Variants in TTLL12 observed in about 807,000 individuals in gnomAD.
TTLL12 encodes the protein tubulin--tyrosine ligase-like protein 12.
A neutral mutation model predicts 79.6 loss-of-function variants in TTLL12; 77 were observed. That is an observed-to-expected ratio of 0.97 (90% CI 0.81 to 1.17). TTLL12 has a LOEUF of 1.17. TTLL12 is among the 50% of genes most tolerant of loss of function. The probability of loss-of-function intolerance (pLI) is 0.00; values close to 1 mark genes in which losing one functional copy is unlikely to be tolerated. For missense variants in TTLL12, 969 were observed against 895.9 expected (o/e 1.08, Z -1.04); for synonymous variants, 437 against 376.1 (o/e 1.16, Z -1.87).
In TTLL12 at chr22:43,168,830, G is replaced by T; in HGVS notation, c.1727C>A (p.Ser576Ter). The T allele has an allele frequency of 6.3e-7, 1 of 1,597,740 alleles. No individual in the cohort carries two copies. The highest frequency in any genetic ancestry group is 2.3e-5 in the East Asian group (1 of 44,074). ...PPPLGLCDYP[S>*]SRAMYAVDLM... ...GTCGACGGCATACATGGCCCGGGAT[G>T]AGGGGTAGTCGCAGAGGCCCAGGGG... The change falls in exon 13 of 14, where the codon TCA becomes TAA. Residue 576 changes from serine (S) to a stop codon, truncating the protein, a stop_gained. Coordinates refer to ENST00000216129, the MANE Select transcript of TTLL12 (RefSeq NM_015140.4). LOFTEE classifies it high-confidence loss of function.
In TTLL12 at chr22:43,169,349, G is replaced by A. The variant is rs1022845364; in HGVS notation, c.1644+151C>T. ...GGTGGAAGGGAGGGGAGCCCACGCTGTCTTGCCAGCCTCTGGGGAGAATGA... is the reference window on the plus strand; with the variant it reads ...GGTGGAAGGGAGGGGAGCCCACGCTATCTTGCCAGCCTCTGGGGAGAATGA... On this transcript the variant is annotated intron_variant, in intron 12 of 13. Coordinates refer to ENST00000216129, the MANE Select transcript of TTLL12 (RefSeq NM_015140.4). The A allele has an allele frequency of 1.4e-5, 10 of 695,888 alleles. No individual in the cohort carries two copies. In the Admixed American group the frequency reaches 1.5e-4, roughly 10 times the overall value. 43.1% of individuals were successfully genotyped at this position (695,888 alleles called of 1,614,324 possible). A position where few individuals can be genotyped will look rare whatever the true frequency, so the allele number is the denominator to read the frequency against.
chr22:43,168,778 TGG>T lies in TTLL12; in HGVS notation c.1777_1778del (p.Pro593ArgfsTer20), dbSNP rs752366456. 6.4e-7 allele frequency: 1 copy of T among 1,557,344 alleles called. No homozygotes were observed. The part of the protein sequence containing the change: ...VDLMLKWDNG[P>X]DGRRVMQPQI... The stretch of plus-strand genomic sequence containing the variant: ...GAGATGGGGAGCCCCTCTTACCATC[TGG>T]GCCGTTGTCCCACTTCAGCATGAGG... On this transcript the variant is annotated frameshift_variant, in exon 13 of 14. Coordinates refer to ENST00000216129, the MANE Select transcript of TTLL12 (RefSeq NM_015140.4). LOFTEE classifies it high-confidence loss of function.
In TTLL12 at chr22:43,181,686, G is replaced by T. The variant is rs558210207; in HGVS notation, c.348-746C>A. Among the ~76,000 whole-genome samples, 6 of 152,318 alleles carry T rather than the reference G, an allele frequency of 3.9e-5. No individual in the cohort carries two copies. The East Asian group carries it at 1.2e-3, about 29-fold the overall frequency. ...ACACAGGTGCCTAATAGACAAAGCC[G>T]CCCCCAGCTTGCCCCCGTCTCTGTT... On this transcript the variant is annotated intron_variant, in intron 2 of 13. Transcript: ENST00000216129.
intron 5 of TTLL12, among the ~76,000 whole-genome samples, chr22:43,178,134 G>A (rs2147072817): frequency 6.6e-6 from 1 of 152,230 alleles, no homozygotes; most frequent in African/African-American, 2.4e-5. Context: ...CACCTTCCTG[G>A]TGCAGGGGCT....
chr22:43,170,629 G>C (rs1315089290), intron 11 of TTLL12, among the ~76,000 whole-genome samples: 2 of 152,212 alleles, frequency 1.3e-5, no homozygotes, highest in Non-Finnish European at 2.9e-5. Context: ...CTAAGTAGGA[G>C]GCCGGGCATG....
chr22:43,167,820 C>T lies in TTLL12; in HGVS notation c.*188G>A, dbSNP rs1392631510. The stretch of plus-strand genomic sequence containing the variant: ...ACCATCACTGTCCTGCTCTGACCCA[C>T]AGGTGAGAGGAGGATGCTGTGCTCC... On this transcript the variant is annotated 3_prime_UTR_variant, in exon 14 of 14. Transcript: ENST00000216129. The T allele has an allele frequency of 4.6e-6, 3 of 649,998 alleles. No individual in the cohort carries two copies. The highest frequency in any genetic ancestry group is 7.8e-6 in the Non-Finnish European group (3 of 386,282). The allele number at this position is 649,998 out of a possible 1,614,324, so 40.3% of individuals were successfully genotyped here. A position where few individuals can be genotyped will look rare whatever the true frequency, so the allele number is the denominator to read the frequency against.
chr22:43,184,775 G>C (rs1932139009), intron 1 of TTLL12, among the ~76,000 whole-genome samples: 1 of 152,208 alleles, frequency 6.6e-6, no homozygotes, highest in Non-Finnish European at 1.5e-5. Flanking sequence ...CAGAGAGCCT[G>C]TCTCAAGCCT....
chr22:43,176,211 G>A, intron 6 of TTLL12, 109 bp downstream of exon 6: 1 of 805,286 alleles, frequency 1.2e-6, no homozygotes, highest in Non-Finnish European at 2.1e-6. Context: ...CGGCTGACTT[G>A]CTGCGTGCCA....
intron 5 of TTLL12, among the ~76,000 whole-genome samples, chr22:43,178,415 G>A (rs993763613): frequency 2.6e-5 from 4 of 151,694 alleles, no homozygotes; most frequent in Non-Finnish European, 5.9e-5. Context: ...TCCGCCTCCT[G>A]GGTTCACACC....
chr22:43,171,833 C>T lies in TTLL12; in HGVS notation c.1561G>A (p.Val521Met), dbSNP rs1392228966. The part of the protein sequence containing the change: ...HFTVMNYDPD[V>M]VLKQVHCEEF... ...TCAGGCCCTACCTGCTTCAGCACCA[C>T]ATCCGGGTCATAGTTCATGACCGTG... The change falls in exon 11 of 14, where the codon GTG becomes ATG. Residue 521 changes from valine to methionine, a missense_variant. Val to Met is a conservative substitution (Grantham distance 21). Coordinates refer to ENST00000216129, the MANE Select transcript of TTLL12 (RefSeq NM_015140.4). The T allele has an allele frequency of 5.0e-6, 8 of 1,614,186 alleles. No homozygotes were observed. The highest frequency in any genetic ancestry group is 5.9e-6 in the Non-Finnish European group (7 of 1,180,016).
chr22:43,168,674 G>A (rs1931681073), intron 13 of TTLL12, 100 bp downstream of exon 13: 3 of 1,490,550 alleles, frequency 2.0e-6, no homozygotes, highest in Admixed American at 3.9e-5. Context: ...ATTCAAGCCA[G>A]AGGACAGCCT....
chr22:43,176,393 T>C lies in TTLL12; in HGVS notation c.844A>G (p.Ile282Val), dbSNP rs1215636707. The C allele has an allele frequency of 1.2e-6, 2 of 1,604,890 alleles. No individual in the cohort carries two copies. Among genetic ancestry groups the C allele is most frequent in the Non-Finnish European group, 1.7e-6 (2 of 1,176,808 alleles). Residue 282 changes from isoleucine to valine, a missense_variant, in exon 6 of 14, where the codon ATT (isoleucine) becomes GTT (valine). Coordinates refer to ENST00000216129, the MANE Select transcript of TTLL12 (RefSeq NM_015140.4). The part of the protein sequence containing the change: ...PEPPAEHYQA[I>V]LEENKEKLPL... The stretch of plus-strand genomic sequence containing the variant: ...AGCTTCTCCTTGTTTTCCTCCAGAA[T>C]GGCCTAAAAGGAAACACACCGGAAG...
chr22:43,168,886 C>G lies in TTLL12; in HGVS notation c.1671G>C (p.Glu557Asp), dbSNP rs953093529. 1 of 1,611,306 alleles carries G rather than the reference C, an allele frequency of 6.2e-7. No homozygotes were observed. The highest frequency in any genetic ancestry group is 1.3e-5 in the African/African-American group (1 of 74,924). ...VQAEIFRAFT[E>D]LFQVACAKPP... ...GCTTGGCACAGGCCACCTGGAACAG[C>G]TCCGTGAAGGCCCGGAAGATCTCAG... is the stretch of plus-strand genomic sequence containing the variant. The change falls in exon 13 of 14, where the codon GAG (glutamate) becomes GAC (aspartate). Residue 557 changes from glutamate to aspartate, a missense_variant. Glu to Asp is a conservative substitution (Grantham distance 45). Transcript: ENST00000216129.
chr22:43,171,992 T>C, intron 10 of TTLL12, 92 bp from the exon 11 acceptor site: 2 of 1,104,852 alleles, frequency 1.8e-6, no homozygotes, highest in Non-Finnish European at 2.7e-6. Flanking sequence ...CAACTAGGGG[T>C]TCAGGGCTCA....
chr22:43,169,517 G>A lies in TTLL12; in HGVS notation c.1627C>T (p.Pro543Ser). 6.2e-7 allele frequency: 1 copy of A among 1,606,054 alleles called. No individual in the cohort carries two copies. The highest frequency in any genetic ancestry group is 8.5e-7 in the Non-Finnish European group (1 of 1,175,096). The part of the protein sequence containing the change: ...PEFEKQYPEF[P>S]WTDVQAEIFR... ...GGAATTACCTGGACGTCCGTCCAGG[G>A]AAATTCTGGGTATTGCTTCTCAAAC... Residue 543 changes from proline to serine, a missense_variant, in exon 12 of 14, where the codon CCC (proline) becomes TCC (serine). Physicochemically the swap from Pro to Ser is moderately conservative, Grantham distance 74. Coordinates refer to ENST00000216129, the MANE Select transcript of TTLL12 (RefSeq NM_015140.4).
intron 12 of TTLL12, 36 bp from the exon 13 acceptor site, chr22:43,168,948 C>T: frequency 3.8e-6 from 6 of 1,587,114 alleles, no homozygotes; most frequent in Non-Finnish European, 5.1e-6. Context: ...GAGGCCTGCT[C>T]AGAACAGCCT....
Position 43,171,688 on chromosome 22 carries a change from G to A in TTLL12, c.1575+131C>T, listed in dbSNP as rs1326862664. On this transcript the variant is annotated intron_variant, in intron 11 of 13. Transcript: ENST00000216129. ...GCAGCGCTAACAATCGCCTTCCATA[G>A]CAGGAACTCAGGAGGCGGCTCCTGG... 1.2e-5 allele frequency: 8 copies of A among 682,680 alleles called. No individual in the cohort carries two copies. The East Asian group carries it at 2.1e-4, about 18-fold the overall frequency. 42.3% of individuals were successfully genotyped at this position (682,680 alleles called of 1,614,324 possible).
chr22:43,171,135 A>G (rs956628985), intron 11 of TTLL12, among the ~76,000 whole-genome samples: 1 of 148,366 alleles, frequency 6.7e-6, no homozygotes, highest in Non-Finnish European at 1.5e-5. Context: ...TGAAACACTC[A>G]TTAACCAGCC....
chr22:43,179,639 G>A lies in TTLL12; in HGVS notation c.820C>T (p.Pro274Ser). The A allele has an allele frequency of 6.3e-7, 1 of 1,585,006 alleles. No individual in the cohort carries two copies. The highest frequency in any genetic ancestry group is 8.6e-7 in the Non-Finnish European group (1 of 1,166,596). Residue 274 changes from proline to serine, a missense_variant, in exon 5 of 14, where the codon CCG becomes TCG. Pro to Ser is a moderately conservative substitution (Grantham distance 74). Transcript: ENST00000216129. ...TGCACCTGGTAGTGCTCGGCGGGCG[G>A]CTCGGGTGTGCAAGAGCTGAGGTCC... ...MLDLSSCTPE[P>S]PAEHYQAILE...
Sources: allele counts gnomAD v4.1 joint callset (sites outside exome capture counted in the v4.1 genomes callset), GRCh38; gene constraint gnomAD v4.1.1; transcripts MANE v1.5; gene names NCBI Gene and HGNC (gene_info 2026-07-23, HGNC 2026-07-21).